USP43: variants seen among roughly 807,000 people sequenced by gnomAD.
The protein encoded by USP43 is ubiquitin carboxyl-terminal hydrolase 43.
In USP43, 33 loss-of-function variants were observed where a neutral mutation model predicts 90.7. The ratio of observed to expected loss-of-function variants is 0.36; its 90% CI spans 0.28 to 0.49. The LOEUF is 0.49. USP43 is among the 20% of genes least tolerant of loss of function. USP43 has a pLI of 0.98. For missense variants in USP43, 1,274 were observed against 1,476.4 expected, an observed-to-expected ratio of 0.86 and a Z score of 2.25; for synonymous variants, 598 against 615.8, an observed-to-expected ratio of 0.97 and a Z score of 0.43.
At chr17:9,688,177 C>T (rs1914706212) in intron 8 of USP43, among the ~76,000 whole-genome samples, 1 of 150,384 alleles carries the variant, frequency 6.6e-6, no homozygotes. Context: ...TTAGTAGAGA[C>T]GGGGTTTCAC....
chr17:9,702,772 G>C (rs1276444997), intron 12 of USP43, among the ~76,000 whole-genome samples: 1 of 152,222 alleles, frequency 6.6e-6, no homozygotes, highest in Admixed American at 6.5e-5. Context: ...GGGTCATCGG[G>C]GTGAGCCTTA....
intron 12 of USP43, among the ~76,000 whole-genome samples, chr17:9,703,556 T>C (rs970149213): frequency 1.4e-4 from 22 of 152,166 alleles, no homozygotes; most frequent in Non-Finnish European, 2.4e-4. Flanking sequence ...GCACACACAG[T>C]GTGCCACCAC....
intron 1 of USP43, among the ~76,000 whole-genome samples, chr17:9,654,127 G>A (rs1368298611): frequency 6.6e-6 from 1 of 152,088 alleles, no homozygotes; most frequent in Non-Finnish European, 1.5e-5. Flanking sequence ...GGTTGTTTGG[G>A]GGTAGGGTTG....
chr17:9,724,086 C>T (rs1196973265), intron 14 of USP43, among the ~76,000 whole-genome samples: 2 of 152,206 alleles, frequency 1.3e-5, no homozygotes, highest in Non-Finnish European at 1.5e-5. Flanking sequence ...CCCCCTCATG[C>T]GTGTTGCTGT....
intron 1 of USP43, among the ~76,000 whole-genome samples, chr17:9,650,400 TTTG>T: frequency 6.6e-6 from 1 of 152,088 alleles, no homozygotes; most frequent in East Asian, 1.9e-4. Flanking sequence ...ATATTGAGTT[TTTG>T]TTGTTGTGGT....
At position 9,693,450 on chromosome 17, in the gene USP43, A is replaced by T. The variant is rs2151983416; in HGVS notation, c.1457+220A>T. Among the ~76,000 whole-genome samples the T allele has an allele frequency of 2.6e-5, 4 of 152,078 alleles. No individual in the cohort carries two copies. The Middle Eastern group carries it at 0.014, about 517-fold the overall frequency. On this transcript the variant is annotated intron_variant, in intron 9 of 14. Coordinates refer to ENST00000285199, the MANE Select transcript of USP43 (RefSeq NM_153210.5). ...TATGTCCGCTTCAAAGATGGGGGGG[A>T]CACCAACGTTCTCAGAGGTTAGTTA...
At chr17:9,678,390 C>T (rs1001434585) in intron 5 of USP43, among the ~76,000 whole-genome samples, 7 of 152,184 alleles carry the variant, frequency 4.6e-5, no homozygotes, top group African/African-American at 1.7e-4. Flanking sequence ...CGGAGTCTCC[C>T]TCTGTCGCCA....
intron 13 of USP43, among the ~76,000 whole-genome samples, chr17:9,710,730 C>T (rs769149075): frequency 2.6e-5 from 4 of 151,900 alleles, no homozygotes; most frequent in Admixed American, 1.3e-4. Context: ...AGGATGGTCT[C>T]GATCTCTTGA....
intron 14 of USP43, among the ~76,000 whole-genome samples, chr17:9,722,915 GGGT>G (rs1917042194): frequency 6.6e-6 from 1 of 152,184 alleles, no homozygotes; most frequent in African/African-American, 2.4e-5. Flanking sequence ...CCTGCATGTA[GGGT>G]GGTGGACAGT....
chr17:9,711,893 G>A (rs1408550939), intron 13 of USP43, 75 bp from the exon 14 acceptor site: 10 of 1,430,830 alleles, frequency 7.0e-6, no homozygotes, highest in African/African-American at 2.9e-5. Flanking sequence ...ATGGGGATCT[G>A]GTTGTGAGAT....
At position 9,728,228 on chromosome 17, in the gene USP43, C is replaced by T. The variant is rs753404829; in HGVS notation, c.2610C>T (p.Val870=). The T allele has an allele frequency of 1.7e-5, 27 of 1,613,730 alleles. No homozygotes were observed. The East Asian group carries it at 2.0e-4, about 12-fold the overall frequency. ...AGTCAGCATCGCCGAGGTCCAACGT[C>T]GCCCTTCCTGCTAACAGCGAAGATG... ...DEKSASPRSN[V]ALPANSEDGG... The change falls in exon 15 of 15, where the codon GTC becomes GTT. Residue 870 remains valine (V), a synonymous_variant. Transcript: ENST00000285199. This position sits in a 1 kb window ranked among gnomAD's most constrained non-coding sequence, Gnocchi z 6.2.
chr17:9,661,245 T>G (rs1175489530), intron 2 of USP43, among the ~76,000 whole-genome samples: 1 of 152,220 alleles, frequency 6.6e-6, no homozygotes, highest in African/African-American at 2.4e-5. Flanking sequence ...CTTGCAGAAT[T>G]AAGTAGGGGA....
chr17:9,728,854 C>T lies in USP43; in HGVS notation c.3236C>T (p.Ala1079Val), dbSNP rs1356303081. Reference protein sequence around the residue: ...SLRLPRKASRAPRGSALGMSQ... With the variant: ...SLRLPRKASRVPRGSALGMSQ... ...CGCCTCCCTCGTAAAGCCAGCAGGG[C>T]CCCGAGAGGCAGTGCACTGGGCATG... Residue 1079 changes from alanine to valine, a missense_variant, in exon 15 of 15, where the codon GCC (alanine) becomes GTC (valine). Around this residue, in one of 6 missense-constraint regions of USP43, gnomAD observed 353 missense variants for 329.7 expected, o/e 1.07. Transcript: ENST00000285199. This position sits in a 1 kb window ranked among gnomAD's most constrained non-coding sequence, Gnocchi z 6.2. The T allele has an allele frequency of 1.9e-6, 3 of 1,613,798 alleles. No individual in the cohort carries two copies. The Admixed American group carries it at 5.0e-5, about 27-fold the overall frequency.
Position 9,728,549 on chromosome 17 carries a change from C to G in USP43, c.2931C>G (p.Asn977Lys). The G allele has an allele frequency of 6.2e-7, 1 of 1,613,980 alleles. No individual in the cohort carries two copies. The highest frequency in any genetic ancestry group is 1.6e-4 in the Middle Eastern group (1 of 6,062). Residue 977 changes from asparagine to lysine, a missense_variant, in exon 15 of 15, where the codon AAC becomes AAG. Asn to Lys is a moderately conservative substitution (Grantham distance 94). Transcript: ENST00000285199. The surrounding 1 kb of genome is among the most constrained non-coding windows in gnomAD (Gnocchi z 6.2). The stretch of plus-strand genomic sequence containing the variant: ...CCCCCTATATGGGATTCTCTGGAAA[C>G]AGCAAAGACAGTCGCCGAGGCACCT... ...PPSPYMGFSG[N>K]SKDSRRGTSE... is the part of the protein sequence containing the mutation.
intron 1 of USP43, among the ~76,000 whole-genome samples, chr17:9,654,444 G>A (rs776630584): frequency 2.0e-5 from 3 of 152,066 alleles, no homozygotes; most frequent in East Asian, 1.9e-4. Context: ...GAAATCAGGA[G>A]TTCGAGATCA....
At chr17:9,647,923 G>A (rs1284390241) in intron 1 of USP43, among the ~76,000 whole-genome samples, 7 of 152,186 alleles carry the variant, frequency 4.6e-5, no homozygotes, top group South Asian at 2.1e-4. Flanking sequence ...GGGGAGGCTG[G>A]GGCAGGAGAA....
At position 9,711,961 on chromosome 17, in the gene USP43, T is replaced by G. The variant is rs763367868; in HGVS notation, c.2171-7T>G. 7.5e-6 allele frequency: 12 copies of G among 1,590,480 alleles called. No individual in the cohort carries two copies. The highest frequency in any genetic ancestry group is 1.8e-4 in the Middle Eastern group (1 of 5,536). On this transcript the variant is annotated splice_polypyrimidine_tract_variant and splice_region_variant and intron_variant, in intron 13 of 14. Coordinates refer to ENST00000285199, the MANE Select transcript of USP43 (RefSeq NM_153210.5). ...GCTCAGCCTCCCTCTCTGTGTTTCC[T>G]CCACAGGCTCTACCAGCTCCTCCCT...
At chr17:9,705,280 G>A (rs1429633177) in intron 12 of USP43, among the ~76,000 whole-genome samples, 1 of 144,502 alleles carries the variant, frequency 6.9e-6, no homozygotes, top group African/African-American at 2.5e-5. Flanking sequence ...TATTTACTGT[G>A]TTGCACCTGG....
intron 12 of USP43, among the ~76,000 whole-genome samples, chr17:9,708,372 G>A (rs541963568): frequency 1.3e-5 from 2 of 152,330 alleles, no homozygotes; most frequent in South Asian, 2.1e-4. Context: ...ATCTAGAGTG[G>A]AAGCTGGAAT....
Sources: gnomAD v4.1 joint callset for allele counts (sites outside exome capture counted in the v4.1 genomes callset) on GRCh38, gnomAD v4.1.1 for gene constraint, gnomAD v4.1.1 regional missense constraint, Gnocchi (gnomAD v3.1) non-coding constraint, MANE v1.5 for transcripts, NCBI Gene and HGNC (gene_info 2026-07-23, HGNC 2026-07-21) for gene names.